Variants in MYH11 observed in about 807,000 individuals in gnomAD.
MYH11 encodes the protein myosin-11.
MYH11 carries 80 observed loss-of-function variants against 246.6 expected under a neutral mutation model. The ratio of observed to expected loss-of-function variants is 0.32; its 90% CI spans 0.27 to 0.39. The LOEUF is 0.39. Among genes scored for constraint, MYH11 ranks in the 10% least tolerant of loss-of-function variants. The pLI, the probability that MYH11 is intolerant of heterozygous loss-of-function variation, is 1.00. For missense variants in MYH11, 2,158 were observed against 2,546.8 expected, an observed-to-expected ratio of 0.85 and a Z score of 3.29; for synonymous variants, 1,071 against 1,015.5, an observed-to-expected ratio of 1.05 and a Z score of -1.04.
chr16:15,830,817 G>A (rs1379006530), intron 2 of MYH11, among the ~76,000 whole-genome samples: 1 of 152,092 alleles, frequency 6.6e-6, no homozygotes, highest in African/African-American at 2.4e-5. Context: ...GGCATAGGTT[G>A]CAGGAGCCGA....
Position 15,838,238 on chromosome 16 carries a change from G to A in MYH11, c.15C>T (p.Gly5=). The A allele has an allele frequency of 6.2e-7, 1 of 1,614,054 alleles. No homozygotes were observed. The highest frequency in any genetic ancestry group is 8.5e-7 in the Non-Finnish European group (1 of 1,180,010). Residue 5 remains glycine (G), a synonymous_variant, in exon 2 of 41, where the codon GGC becomes GGT. Coordinates refer to ENST00000300036, the MANE Select transcript of MYH11 (RefSeq NM_002474.3). MAQK[G]QLSDDEKFLF... ...GGAACTTCTCATCGTCACTGAGTTG[G>A]CCCTTCTGCGCCATGGTGCCTTGTT...
chr16:15,793,707 C>T (rs2042672378), intron 4 of MYH11, among the ~76,000 whole-genome samples: 3 of 150,298 alleles, frequency 2.0e-5, no homozygotes, highest in African/African-American at 7.3e-5. Flanking sequence ...GCAAGCTCCG[C>T]CCCCCAGGTT....
At chr16:15,719,876 G>A (rs931049739) in intron 34 of MYH11, among the ~76,000 whole-genome samples, 163 bp from the exon 35 acceptor site, 8 of 152,160 alleles carry the variant, frequency 5.3e-5, no homozygotes, top group South Asian at 2.1e-4. Flanking sequence ...CTGGTGGTGC[G>A]CTGGGAGCAC....
At chr16:15,799,522 A>T (rs1171783891) in intron 3 of MYH11, among the ~76,000 whole-genome samples, 1 of 152,116 alleles carries the variant, frequency 6.6e-6, no homozygotes, top group Non-Finnish European at 1.5e-5. Flanking sequence ...CTTGTTTACC[A>T]CCAGAGAAAC....
At chr16:15,789,123 A>T (rs1442116663) in intron 4 of MYH11, among the ~76,000 whole-genome samples, 1 of 152,120 alleles carries the variant, frequency 6.6e-6, no homozygotes, top group African/African-American at 2.4e-5. Flanking sequence ...CAGAGTGGGT[A>T]AGCAATTTTC....
Position 15,788,075 on chromosome 16 carries a change from A to ATTTTTTTTT in MYH11, c.531-1344_531-1343insAAAAAAAAA, listed in dbSNP as rs1555569323. On this transcript the variant is annotated intron_variant, in intron 4 of 40. Coordinates refer to ENST00000300036, the MANE Select transcript of MYH11 (RefSeq NM_002474.3). Reference sequence around the variant, plus strand: ...ATGTCCTCCTGGAATATGAAGGTAGATCTTTTTTTTTTTTTTTTTTACCAA... The same window carrying ATTTTTTTTT: ...ATGTCCTCCTGGAATATGAAGGTAGATTTTTTTTTTCTTTTTTTTTTTTTTTTTTACCAA... Among the ~76,000 whole-genome samples, 3 of 42,726 alleles carry ATTTTTTTTT rather than the reference A, an allele frequency of 7.0e-5. 1 individual carries two copies. The highest frequency in any genetic ancestry group is 3.9e-4 in the African/African-American group (3 of 7,630). 28.0% of individuals were successfully genotyped at this position (42,726 alleles called of 152,430 possible).
chr16:15,772,086 T>TA (rs2042114875), intron 8 of MYH11, among the ~76,000 whole-genome samples: 8 of 129,590 alleles, frequency 6.2e-5, no homozygotes, highest in African/African-American at 1.9e-4. Context: ...CAACCTTTAC[T>TA]CTTTTTTTTT....
intron 9 of MYH11, among the ~76,000 whole-genome samples, chr16:15,767,865 AG>A (rs1359763950): frequency 6.6e-6 from 1 of 152,116 alleles, no homozygotes; most frequent in Non-Finnish European, 1.5e-5. Context: ...GACAGAGGCA[AG>A]GAACAGATCT....
At chr16:15,765,862 C>T (rs910450484) in intron 9 of MYH11, among the ~76,000 whole-genome samples, 3 of 152,178 alleles carry the variant, frequency 2.0e-5, no homozygotes, top group Non-Finnish European at 4.4e-5. Context: ...TGAAGAGTTG[C>T]ACTCACAGTT....
At chr16:15,796,895 T>C (rs546727418) in intron 4 of MYH11, among the ~76,000 whole-genome samples, 2 of 152,326 alleles carry the variant, frequency 1.3e-5, no homozygotes, top group African/African-American at 2.4e-5. Flanking sequence ...TATATCCTCA[T>C]AGCTAGGTAG....
intron 40 of MYH11, among the ~76,000 whole-genome samples, chr16:15,711,626 A>G (rs900152327): frequency 3.3e-5 from 5 of 152,144 alleles, no homozygotes; most frequent in Non-Finnish European, 7.3e-5. Flanking sequence ...GTGGTATGAG[A>G]ATGAAGCGGG....
intron 35 of MYH11, 85 bp from the exon 36 acceptor site, chr16:15,719,393 G>A (rs1338010471): frequency 1.1e-5 from 17 of 1,506,828 alleles, no homozygotes; most frequent in Non-Finnish European, 1.5e-5. Flanking sequence ...AGCCACCCTT[G>A]AAAGTACATG....
intron 1 of MYH11, among the ~76,000 whole-genome samples, chr16:15,848,977 C>T (rs1231290762): frequency 6.6e-6 from 1 of 152,206 alleles, no homozygotes; most frequent in Non-Finnish European, 1.5e-5. Flanking sequence ...TAAGGTCCTG[C>T]ATCAGCTCCA....
Position 15,741,586 on chromosome 16 carries a change from C to G in MYH11, c.2736G>C (p.Arg912=). ...CCAGCTCCTGCTTCTTGGCCGCCAGCCGCACCCGCATCTCCTCAGCCTCTG... is the reference window on the plus strand; with the variant it reads ...CCAGCTCCTGCTTCTTGGCCGCCAGGCGCACCCGCATCTCCTCAGCCTCTG... ...LYAEAEEMRV[R]LAAKKQELEE... The change falls in exon 22 of 41, where the codon CGG becomes CGC. Residue 912 remains arginine (R), a synonymous_variant. Coordinates refer to ENST00000300036, the MANE Select transcript of MYH11 (RefSeq NM_002474.3). 9 of 1,612,462 alleles carry G rather than the reference C, an allele frequency of 5.6e-6. No individual in the cohort carries two copies. The highest frequency in any genetic ancestry group is 7.6e-6 in the Non-Finnish European group (9 of 1,180,026).
At chr16:15,804,966 C>T (rs2042976207) in intron 3 of MYH11, among the ~76,000 whole-genome samples, 1 of 152,222 alleles carries the variant, frequency 6.6e-6, no homozygotes, top group Non-Finnish European at 1.5e-5. Flanking sequence ...CTGCTATGAA[C>T]ATTCCTGTAC....
intron 2 of MYH11, among the ~76,000 whole-genome samples, chr16:15,831,216 T>C (rs1279551306): frequency 6.6e-6 from 1 of 152,012 alleles, no homozygotes; most frequent in Non-Finnish European, 1.5e-5. Context: ...GAGGGCTACA[T>C]ATGTAACCAG....
intron 2 of MYH11, among the ~76,000 whole-genome samples, chr16:15,829,863 A>T (rs528341404): frequency 9.2e-5 from 14 of 152,264 alleles, no homozygotes; most frequent in Admixed American, 9.2e-4. Flanking sequence ...GGCCGGGCGC[A>T]GTGGCTCACA....
intron 14 of MYH11, among the ~76,000 whole-genome samples, chr16:15,754,626 T>C (rs1684978481): frequency 6.6e-6 from 1 of 152,216 alleles, no homozygotes; most frequent in Non-Finnish European, 1.5e-5. Context: ...AGATAGTAGA[T>C]ATTTTTGGCT....
intron 3 of MYH11, among the ~76,000 whole-genome samples, chr16:15,823,023 G>A (rs1256154440): frequency 6.6e-6 from 1 of 152,372 alleles, no homozygotes; most frequent in South Asian, 2.1e-4. Flanking sequence ...AGCGAGCCCC[G>A]GAGCTGGAGC....
Sources: gnomAD v4.1 joint callset for allele counts (sites outside exome capture counted in the v4.1 genomes callset) on GRCh38, gnomAD v4.1.1 for gene constraint, MANE v1.5 for transcripts, NCBI Gene and HGNC (gene_info 2026-07-23, HGNC 2026-07-21) for gene names.